The following CHST12 variants were observed in gnomAD, a reference collection of about 807,000 sequenced individuals.
The protein encoded by CHST12 is carbohydrate (chondroitin 4) sulfotransferase 12.
CHST12 carries 23 observed loss-of-function variants against 27.9 expected under a neutral mutation model. The ratio of observed to expected loss-of-function variants is 0.82; its 90% CI spans 0.59 to 1.17. CHST12 has a LOEUF of 1.17. Among genes scored for constraint, CHST12 ranks in the 50% most tolerant of loss-of-function variants. CHST12 has a pLI of 0.00. For missense variants in CHST12, 682 were observed against 603.0 expected (o/e 1.13, Z -1.37); for synonymous variants, 322 against 273.0 (o/e 1.18, Z -1.77).
At chr7:2,432,126 A>C (rs1782284664) in intron 1 of CHST12, among the ~76,000 whole-genome samples, 1 of 128,410 alleles carries the variant, frequency 7.8e-6, no homozygotes. Flanking sequence ...TGGGCGACAG[A>C]GCGAGACTCC....
At chr7:2,430,518 A>G (rs939841668) in intron 1 of CHST12, among the ~76,000 whole-genome samples, 2 of 152,048 alleles carry the variant, frequency 1.3e-5, no homozygotes, top group African/African-American at 4.8e-5. Context: ...GGGTTTCACC[A>G]TGTTGGCCAG....
chr7:2,417,154 G>GAGTC (rs1781831367), intron 1 of CHST12, among the ~76,000 whole-genome samples: 1 of 151,996 alleles, frequency 6.6e-6, no homozygotes, highest in South Asian at 2.1e-4. Flanking sequence ...GTCTGAGACG[G>GAGTC]AGTCCAAAGA....
intron 1 of CHST12, among the ~76,000 whole-genome samples, chr7:2,427,721 T>C (rs1370960986): frequency 6.6e-6 from 1 of 152,022 alleles, no homozygotes; most frequent in Non-Finnish European, 1.5e-5. Flanking sequence ...CCTGTAGGAG[T>C]TGATTTTTTA....
In CHST12 at chr7:2,433,322, G is replaced by T. The variant is rs1368456151; in HGVS notation, c.683G>T (p.Arg228Leu). 6.2e-7 allele frequency: 1 copy of T among 1,612,530 alleles called. No individual in the cohort carries two copies. ...KFWRRYGKLSRHLMKVKLKKY... is the reference protein window; with the variant it reads ...KFWRRYGKLSLHLMKVKLKKY... Reference sequence around the variant, plus strand: ...TGGCGCCGCTACGGGAAGCTCTCCCGCCACCTCATGAAGGTCAAGCTCAAG... The same window carrying T: ...TGGCGCCGCTACGGGAAGCTCTCCCTCCACCTCATGAAGGTCAAGCTCAAG... The change falls in exon 2 of 2, where the codon CGC (arginine) becomes CTC (leucine). Residue 228 changes from arginine (R) to leucine (L), a missense_variant. Transcript: ENST00000618655. This position sits in a 1 kb window ranked among gnomAD's most constrained non-coding sequence, Gnocchi z 6.1.
At chr7:2,426,701 AGACATACAGTCC>A (rs1782130438) in intron 1 of CHST12, among the ~76,000 whole-genome samples, 1 of 151,688 alleles carries the variant, frequency 6.6e-6, no homozygotes, top group Admixed American at 6.6e-5. Flanking sequence ...GTGACAGGAG[AGACATACAGTCC>A]GGGTGTGGTG....
intron 1 of CHST12, among the ~76,000 whole-genome samples, chr7:2,424,358 A>C (rs1362750526): frequency 6.6e-6 from 1 of 152,182 alleles, no homozygotes; most frequent in Non-Finnish European, 1.5e-5. Context: ...AAAGAACATG[A>C]ATTAAGAATC....
At chr7:2,418,855 G>A (rs1046923645) in intron 1 of CHST12, among the ~76,000 whole-genome samples, 2 of 152,136 alleles carry the variant, frequency 1.3e-5, no homozygotes, top group Non-Finnish European at 1.5e-5. Flanking sequence ...GGAGTACAAC[G>A]GCACAATCAT....
intron 1 of CHST12, among the ~76,000 whole-genome samples, chr7:2,415,874 A>T (rs959863748): frequency 6.6e-6 from 1 of 152,080 alleles, no homozygotes; most frequent in Non-Finnish European, 1.5e-5. Flanking sequence ...TCAGCCTCCC[A>T]AAGTGCTGGG....
chr7:2,419,944 C>G (rs1262054644), intron 1 of CHST12, among the ~76,000 whole-genome samples: 4 of 144,928 alleles, frequency 2.8e-5, no homozygotes. Context: ...GAACCTCATA[C>G]AAGTAGAATC....
intron 1 of CHST12, 54 bp downstream of exon 1, chr7:2,403,727 C>A (rs1225959256): frequency 1.3e-5 from 2 of 152,240 alleles, no homozygotes; most frequent in African/African-American, 4.9e-5. Context: ...CTCTCTCGGC[C>A]AGTGCTGGGC....
rs746034097 is a variant in CHST12, at chr7:2,433,018, G to A, written c.379G>A (p.Val127Met). Reference sequence around the variant, plus strand: ...CCGGCAGCAGGCGGAGCGGAGGAGCGTGCTGCGGGGCTTCTGCGCCAACTC... The same window carrying A: ...CCGGCAGCAGGCGGAGCGGAGGAGCATGCTGCGGGGCTTCTGCGCCAACTC... ...QGRQQAERRSVLRGFCANSSL... is the reference protein window; with the variant it reads ...QGRQQAERRSMLRGFCANSSL... The change falls in exon 2 of 2, where the codon GTG becomes ATG. Residue 127 changes from valine (V) to methionine (M), a missense_variant. Transcript: ENST00000618655. This position sits in a 1 kb window ranked among gnomAD's most constrained non-coding sequence, Gnocchi z 6.1. 2.3e-5 allele frequency: 37 copies of A among 1,611,044 alleles called. No individual in the cohort carries two copies. Among genetic ancestry groups the A allele is most frequent in the Non-Finnish European group, 2.7e-5 (32 of 1,179,460 alleles).
At chr7:2,422,074 T>C in intron 1 of CHST12, among the ~76,000 whole-genome samples, 1 of 152,128 alleles carries the variant, frequency 6.6e-6, no homozygotes, top group Admixed American at 6.6e-5. Flanking sequence ...AGTTCTTAGG[T>C]ACAGAATTCG....
intron 1 of CHST12, among the ~76,000 whole-genome samples, chr7:2,426,997 GAAAA>G (rs942880560): frequency 4.6e-5 from 7 of 150,630 alleles, no homozygotes; most frequent in Non-Finnish European, 1.0e-4. Flanking sequence ...TCTCACAAAA[GAAAA>G]AGAGAGAGAG....
chr7:2,426,036 C>A (rs1782109737), intron 1 of CHST12, among the ~76,000 whole-genome samples: 1 of 151,950 alleles, frequency 6.6e-6, no homozygotes, highest in Non-Finnish European at 1.5e-5. Context: ...CAGCAGGGGA[C>A]CTCTTTGGGG....
At position 2,425,428 on chromosome 7, in the gene CHST12, T is replaced by TA. The variant is rs558042686; in HGVS notation, c.-77-7134dup. On this transcript the variant is annotated intron_variant, in intron 1 of 1. Coordinates refer to ENST00000618655, the MANE Select transcript of CHST12 (RefSeq NM_018641.5). ...ATGGATATATTTCATATTCACCTTT[T>TA]ACCCTCCACCCCCAAAAGGGCCTAT... is the stretch of plus-strand genomic sequence containing the variant. 9.4e-4 allele frequency among the ~76,000 whole-genome samples: 143 copies of TA among 152,176 alleles called. 1 individual carries two copies. The highest frequency in any genetic ancestry group is 3.1e-3 in the African/African-American group (129 of 41,532).
chr7:2,422,579 A>T (rs1054633650), intron 1 of CHST12, among the ~76,000 whole-genome samples: 1 of 148,244 alleles, frequency 6.7e-6, no homozygotes, highest in African/African-American at 2.5e-5. Context: ...TTCCGTCACC[A>T]GGCTGGAGTG....
chr7:2,412,685 G>T (rs886224126), intron 1 of CHST12, among the ~76,000 whole-genome samples: 8 of 152,174 alleles, frequency 5.3e-5, no homozygotes, highest in Non-Finnish European at 1.0e-4. Flanking sequence ...TGGCAAGGAA[G>T]GGGGGCTCTC....
chr7:2,416,914 G>A (rs544755148), intron 1 of CHST12, among the ~76,000 whole-genome samples: 1 of 152,202 alleles, frequency 6.6e-6, no homozygotes, highest in Non-Finnish European at 1.5e-5. Context: ...TTTTACCTGC[G>A]ATAAATAAGC....
At position 2,440,817 on chromosome 7, in the gene CHST12, G is replaced by A. The variant is rs918537126; in HGVS notation, c.*6933G>A. On this transcript the variant is annotated 3_prime_UTR_variant, in exon 2 of 2. Coordinates refer to ENST00000618655, the MANE Select transcript of CHST12 (RefSeq NM_018641.5). ...TCCTGTGTCATTCTGGATTTATCTT[G>A]GGGTCGGGAGTCAACGATACTTCTT... 2.0e-5 allele frequency: 3 copies of A among 152,202 alleles called. No individual in the cohort carries two copies. Among genetic ancestry groups the A allele is most frequent in the African/African-American group, 7.2e-5 (3 of 41,454 alleles). 9.4% of individuals were successfully genotyped at this position (152,202 alleles called of 1,614,324 possible).
Sources: gnomAD v4.1 joint callset for allele counts (sites outside exome capture counted in the v4.1 genomes callset) on GRCh38, gnomAD v4.1.1 for gene constraint, Gnocchi (gnomAD v3.1) non-coding constraint, MANE v1.5 for transcripts, NCBI Gene and HGNC (gene_info 2026-07-23, HGNC 2026-07-21) for gene names.